Variants in KLKB1 observed in about 807,000 individuals in gnomAD.
KLKB1 encodes plasma kallikrein.
In KLKB1, 58 loss-of-function variants were observed where a neutral mutation model predicts 73.6. The ratio of observed to expected loss-of-function variants is 0.79; its 90% CI spans 0.64 to 0.98. KLKB1 has a LOEUF of 0.98. KLKB1 is among the 50% of genes least tolerant of loss of function. The pLI is 0.00. For synonymous variants in KLKB1, 280 were observed against 258.1 expected (o/e 1.08, Z -0.81); for missense variants, 737 against 763.8 (o/e 0.96, Z 0.41).
intron 6 of KLKB1, among the ~76,000 whole-genome samples, chr4:186,249,299 G>A (rs1175774258): frequency 6.6e-6 from 1 of 152,044 alleles, no homozygotes; most frequent in Non-Finnish European, 1.5e-5. Flanking sequence ...CTTACATTTA[G>A]GCATTTGATG....
At chr4:186,233,218 T>C (rs1737489768) in intron 3 of KLKB1, among the ~76,000 whole-genome samples, 1 of 152,202 alleles carries the variant, frequency 6.6e-6, no homozygotes, top group Non-Finnish European at 1.5e-5. Context: ...CAGCGGTAAT[T>C]ACAATTTTTA....
chr4:186,219,766 G>A (rs1006077873), intron 2 of KLKB1, among the ~76,000 whole-genome samples: 10 of 152,104 alleles, frequency 6.6e-5, no homozygotes, highest in Non-Finnish European at 1.3e-4. Flanking sequence ...TTCCTAAGGG[G>A]TCTGGGCCTT....
intron 2 of KLKB1, chr4:186,212,035 T>C (rs1437588753): frequency 6.6e-6 from 1 of 152,178 alleles, no homozygotes. Context: ...TTAGAACTTA[T>C]CTAGTTATGC....
chr4:186,258,305 C>G lies in KLKB1; in HGVS notation c.*93C>G, dbSNP rs1739130410. 13 of 1,074,610 alleles carry G rather than the reference C, an allele frequency of 1.2e-5. No individual in the cohort carries two copies. In the South Asian group the frequency reaches 1.7e-4, roughly 14 times the overall value. 66.6% of individuals were successfully genotyped at this position (1,074,610 alleles called of 1,614,324 possible). On this transcript the variant is annotated 3_prime_UTR_variant, in exon 15 of 15. Coordinates refer to ENST00000264690, the MANE Select transcript of KLKB1 (RefSeq NM_000892.5). ...CTCATCTGCAAAGCATGGAGAGTGG[C>G]ATCTTCTTTGCATCCTAAGGACGAA...
intron 2 of KLKB1, among the ~76,000 whole-genome samples, chr4:186,216,418 C>A (rs1471634228): frequency 6.6e-6 from 1 of 151,940 alleles, no homozygotes; most frequent in African/African-American, 2.4e-5. Flanking sequence ...GAGTGAGAAG[C>A]GTTACGCAGA....
chr4:186,224,064 C>G (rs1222540794), upstream of KLKB1, among the ~76,000 whole-genome samples: 4 of 152,258 alleles, frequency 2.6e-5, no homozygotes, highest in African/African-American at 9.6e-5. Flanking sequence ...AAGCCCCAAG[C>G]CTTGGTGGCT....
intron 2 of KLKB1, among the ~76,000 whole-genome samples, chr4:186,230,655 C>A (rs1737351693): frequency 6.6e-6 from 1 of 152,132 alleles, no homozygotes; most frequent in African/African-American, 2.4e-5. Context: ...CATTCAGCAA[C>A]AAAATTGGTG....
Position 186,258,353 on chromosome 4 carries a change from C to T in KLKB1, c.*141C>T, listed in dbSNP as rs1229306876. On this transcript the variant is annotated 3_prime_UTR_variant, in exon 15 of 15. Transcript: ENST00000264690. ...GAAAAACACAGTGCACTCAGAGCTG[C>T]TGAGGACAATGTCTGGCTGAAGCCC... The T allele has an allele frequency of 5.0e-6, 4 of 801,704 alleles. No homozygotes were observed. Among genetic ancestry groups the T allele is most frequent in the Non-Finnish European group, 8.5e-6 (4 of 470,210 alleles). The allele number at this position is 801,704 out of a possible 1,614,324, so 49.7% of individuals were successfully genotyped here.
Position 186,252,130 on chromosome 4 carries a change from G to T in KLKB1, c.1258G>T (p.Gly420Ter). The T allele has an allele frequency of 6.2e-7, 1 of 1,613,994 alleles. No homozygotes were observed. Among genetic ancestry groups the T allele is most frequent in the Non-Finnish European group, 8.5e-7 (1 of 1,180,028 alleles). ...GCTGACAGCTCAGAGGCACCTGTGT[G>T]GAGGGTCACTCATAGGACACCAGTG... is the stretch of plus-strand genomic sequence containing the variant. Reference protein sequence around the residue: ...VKLTAQRHLCGGSLIGHQWVL... With the variant: ...VKLTAQRHLC Residue 420 changes from glycine (G) to a stop codon, truncating the protein, a stop_gained, in exon 11 of 15, where the codon GGA becomes TGA. Transcript: ENST00000264690. LOFTEE classifies it high-confidence loss of function.
intron 6 of KLKB1, among the ~76,000 whole-genome samples, chr4:186,245,747 G>A (rs1738295241): frequency 1.3e-5 from 2 of 151,462 alleles, no homozygotes; most frequent in Non-Finnish European, 1.5e-5. Flanking sequence ...CATCTTGAAG[G>A]CGAGGTTAAT....
chr4:186,215,518 G>C (rs1444522545), intron 2 of KLKB1, among the ~76,000 whole-genome samples: 1 of 149,942 alleles, frequency 6.7e-6, no homozygotes. Context: ...TCAAGCCCAA[G>C]TTTTAAGTTT....
intron 2 of KLKB1, among the ~76,000 whole-genome samples, chr4:186,231,138 G>C (rs1737383844): frequency 6.6e-6 from 1 of 152,120 alleles, no homozygotes; most frequent in African/African-American, 2.4e-5. Flanking sequence ...AATGCACGTG[G>C]TCTAAGCTGC....
intron 4 of KLKB1, among the ~76,000 whole-genome samples, 165 bp downstream of exon 4, chr4:186,234,223 A>G (rs560400951): frequency 3.9e-5 from 6 of 152,194 alleles, no homozygotes; most frequent in Non-Finnish European, 1.5e-5. Context: ...ATTCATCTGG[A>G]CACTTCTATT....
At chr4:186,226,677 G>A (rs1475348127), upstream of KLKB1, among the ~76,000 whole-genome samples, 1 of 152,190 alleles carries the variant, frequency 6.6e-6, no homozygotes, top group Non-Finnish European at 1.5e-5. Flanking sequence ...GCCTGTTCCT[G>A]AGTTTATTCA....
At chr4:186,252,362 A>G (rs1158931929) in intron 11 of KLKB1, among the ~76,000 whole-genome samples, 177 bp downstream of exon 11, 1 of 152,210 alleles carries the variant, frequency 6.6e-6, no homozygotes, top group Admixed American at 6.5e-5. Flanking sequence ...CCATTAGAAC[A>G]GAGTGTGGTC....
upstream of KLKB1, chr4:186,227,455 C>G (rs1176648043): frequency 6.6e-6 from 1 of 152,156 alleles, no homozygotes; most frequent in Non-Finnish European, 1.5e-5. Flanking sequence ...AAAGTTGAAA[C>G]TGTTGGCAGA....
Position 186,254,618 on chromosome 4 carries a change from T to C in KLKB1, c.1344T>C (p.Tyr448=). The change falls in exon 12 of 15, where the codon TAT becomes TAC. Residue 448 remains tyrosine, a synonymous_variant. Coordinates refer to ENST00000264690, the MANE Select transcript of KLKB1 (RefSeq NM_000892.5). ...GLPLQDVWRI[Y]SGILNLSDIT... is the part of the protein sequence containing the mutation. ...CCCTGCAGGATGTTTGGCGCATCTA[T>C]AGTGGCATTTTAAATCTGTCAGACA... 6.2e-7 allele frequency: 1 copy of C among 1,614,118 alleles called. No individual in the cohort carries two copies. Among genetic ancestry groups the C allele is most frequent in the Non-Finnish European group, 8.5e-7 (1 of 1,179,956 alleles).
At chr4:186,248,312 G>T (rs1364369631) in intron 6 of KLKB1, among the ~76,000 whole-genome samples, 1 of 150,662 alleles carries the variant, frequency 6.6e-6, no homozygotes, top group African/African-American at 2.4e-5. Context: ...TTTCCCATTG[G>T]CCGTCTTTCT....
chr4:186,233,517 G>T (rs1176548831), intron 3 of KLKB1, among the ~76,000 whole-genome samples: 2 of 152,162 alleles, frequency 1.3e-5, no homozygotes, highest in Non-Finnish European at 2.9e-5. Flanking sequence ...CATGAAGGTG[G>T]ACATCTAAGA....
Sources: gnomAD v4.1 joint callset for allele counts (sites outside exome capture counted in the v4.1 genomes callset) on GRCh38, gnomAD v4.1.1 for gene constraint, MANE v1.5 for transcripts, NCBI Gene and HGNC (gene_info 2026-07-23, HGNC 2026-07-21) for gene names.